Variants in MRPL43 observed in about 807,000 individuals in gnomAD.
MRPL43 encodes large ribosomal subunit protein mL43.
Under a neutral mutation model 12.7 loss-of-function variants are expected in MRPL43, and 9 were observed. The ratio of observed to expected loss-of-function variants is 0.71; its 90% CI spans 0.43 to 1.24. The LOEUF (loss-of-function observed/expected upper bound fraction) is 1.24. MRPL43 is among the 50% of genes most tolerant of loss of function. The pLI is 0.00. For missense variants in MRPL43, 211 were observed against 229.2 expected, an observed-to-expected ratio of 0.92 and a Z score of 0.51; for synonymous variants, 116 against 96.4, an observed-to-expected ratio of 1.20 and a Z score of -1.19.
At chr10:100,980,782 G>A (rs1484825467), downstream of MRPL43, 1 of 1,572,348 alleles carries the variant, frequency 6.4e-7, no homozygotes, top group Non-Finnish European at 8.6e-7. Flanking sequence ...ATCTGTATGA[G>A]TGGGGACGCT....
downstream of MRPL43, chr10:100,979,125 C>T (rs2133877896): frequency 6.2e-7 from 1 of 1,614,162 alleles, no homozygotes; most frequent in South Asian, 1.1e-5. Flanking sequence ...GGAAGAAGAT[C>T]CTGCAGAAGA....
In MRPL43 at chr10:100,986,590, G is replaced by C. The variant is rs756799726; in HGVS notation, c.*144C>G. The C allele has an allele frequency of 2.5e-6, 4 of 1,602,802 alleles. No homozygotes were observed. The highest frequency in any genetic ancestry group is 3.4e-6 in the Non-Finnish European group (4 of 1,175,318). On this transcript the variant is annotated 3_prime_UTR_variant, in exon 3 of 3. Transcript: ENST00000318364. ...AGCAGGCACTGGAAAGAAACAGGCAGCTCTTCATTATCCCAAGCAGAACCT... is the reference window on the plus strand; with the variant it reads ...AGCAGGCACTGGAAAGAAACAGGCACCTCTTCATTATCCCAAGCAGAACCT...
downstream of MRPL43, among the ~76,000 whole-genome samples, chr10:100,979,657 G>C (rs953663209): frequency 3.9e-5 from 6 of 152,144 alleles, no homozygotes; most frequent in Non-Finnish European, 5.9e-5. Context: ...CTGGCAAAGT[G>C]AGAATTTTAA....
chr10:100,980,253 G>T, downstream of MRPL43: 1 of 1,614,240 alleles, frequency 6.2e-7, no homozygotes, highest in Admixed American at 1.7e-5. Flanking sequence ...GGCCCCTGCT[G>T]CTCAAGCGCA....
chr10:100,986,704 G>A lies in MRPL43; in HGVS notation c.*30C>T. 2 of 1,613,984 alleles carry A rather than the reference G, an allele frequency of 1.2e-6. No individual in the cohort carries two copies. Among genetic ancestry groups the A allele is most frequent in the Non-Finnish European group, 1.7e-6 (2 of 1,179,950 alleles). On this transcript the variant is annotated 3_prime_UTR_variant, in exon 3 of 3. Coordinates refer to ENST00000318364, the MANE Select transcript of MRPL43 (RefSeq NM_032112.3). ...ACCTTTACCGGAGTAACAGTCCAAA[G>A]CCTGGGGCTGCAGTTGGTGGGGCAA...
downstream of MRPL43, chr10:100,980,157 T>C: frequency 6.2e-7 from 1 of 1,614,202 alleles, no homozygotes; most frequent in Non-Finnish European, 8.5e-7. Context: ...AAGGCTACAA[T>C]TCATCCCAAG....
rs900172828 is a variant in MRPL43, at chr10:100,986,552, C to A, written c.*182G>T. The A allele has an allele frequency of 3.2e-6, 5 of 1,562,158 alleles. No homozygotes were observed. The African/African-American group carries it at 6.8e-5, about 21-fold the overall frequency. Reference sequence around the variant, plus strand: ...CATAAAAATGAGTGGTTCACAAGGTCACTGCCCCCAGAAGCAGGCACTGGA... The same window carrying A: ...CATAAAAATGAGTGGTTCACAAGGTAACTGCCCCCAGAAGCAGGCACTGGA... On this transcript the variant is annotated 3_prime_UTR_variant, in exon 3 of 3. Transcript: ENST00000318364.
downstream of MRPL43, chr10:100,983,980 G>A (rs1331107517): frequency 9.3e-6 from 15 of 1,611,930 alleles, no homozygotes; most frequent in East Asian, 2.2e-5. Context: ...AGCCGGCTGC[G>A]GAGGATGAAT....
chr10:100,984,570 C>A (rs962694375), downstream of MRPL43: 26 of 1,536,076 alleles, frequency 1.7e-5, no homozygotes, highest in Middle Eastern at 1.7e-4. Flanking sequence ...TGAAACCAGA[C>A]AAGACCTCTG....
rs1213502112 is a variant in MRPL43 at position 100,986,935 on chromosome 10, C to A, written c.279G>T (p.Ser93=). ...GCACCAGCGTCGAGATCTCCTCGAC[C>A]GACTTGCAGTGGATGCTCTCCTCGC... The part of the protein sequence containing the change: ...AVREESIHCK[S]VEEISTLVQK... Residue 93 remains serine (S), a synonymous_variant, in exon 3 of 3, where the codon TCG becomes TCT. Coordinates refer to ENST00000318364, the MANE Select transcript of MRPL43 (RefSeq NM_032112.3). The A allele has an allele frequency of 1.2e-6, 2 of 1,609,252 alleles. No individual in the cohort carries two copies. The highest frequency in any genetic ancestry group is 2.2e-5 in the South Asian group (2 of 91,078).
chr10:100,986,586 G>A lies in MRPL43; in HGVS notation c.*148C>T, dbSNP rs1389926192. On this transcript the variant is annotated 3_prime_UTR_variant, in exon 3 of 3. Transcript: ENST00000318364. ...CAGAAGCAGGCACTGGAAAGAAACAGGCAGCTCTTCATTATCCCAAGCAGA... is the reference window on the plus strand; with the variant it reads ...CAGAAGCAGGCACTGGAAAGAAACAAGCAGCTCTTCATTATCCCAAGCAGA... The A allele has an allele frequency of 6.3e-6, 10 of 1,599,234 alleles. No individual in the cohort carries two copies. Among genetic ancestry groups the A allele is most frequent in the African/African-American group, 1.3e-5 (1 of 74,498 alleles).
downstream of MRPL43, chr10:100,983,179 T>A: frequency 1.7e-6 from 2 of 1,159,754 alleles, no homozygotes; most frequent in African/African-American, 3.1e-5. Context: ...AGAGCCTGGG[T>A]CAGCTGTCAC....
chr10:100,986,405 A>T lies in MRPL43; in HGVS notation c.*329T>A. On this transcript the variant is annotated 3_prime_UTR_variant, in exon 3 of 3. Transcript: ENST00000318364. ...CAATAAGACATCAGGGATTCTTCAG[A>T]AGCCAGCCTTCAGACCTCTCACTGT... 3.4e-6 allele frequency: 5 copies of T among 1,479,330 alleles called. No individual in the cohort carries two copies. Among genetic ancestry groups the T allele is most frequent in the Non-Finnish European group, 4.5e-6 (5 of 1,118,248 alleles). The allele number at this position is 1,479,330 out of a possible 1,614,324, so 91.6% of individuals were successfully genotyped here. A position where few individuals can be genotyped will look rare whatever the true frequency, so the allele number is the denominator to read the frequency against.
At chr10:100,981,196 G>A, downstream of MRPL43, 1 of 1,614,248 alleles carries the variant, frequency 6.2e-7, no homozygotes, top group Non-Finnish European at 8.5e-7. Context: ...CATAGAGAGA[G>A]GAAATCGAGG....
Position 100,986,855 on chromosome 10 carries a change from T to C in MRPL43, c.359A>G (p.His120Arg), listed in dbSNP as rs1297556025. Residue 120 changes from histidine to arginine, a missense_variant, in exon 3 of 3, where the codon CAC becomes CGC. Coordinates refer to ENST00000318364, the MANE Select transcript of MRPL43 (RefSeq NM_032112.3). ...GCCCTGGATGCTAGGGTTGTCGGTG[T>C]GGAAGGGCTTGCGGATGCGGATCAC... ...LDVIRIRKPF[H>R]TDNPSIQGQW... The C allele has an allele frequency of 1.2e-6, 2 of 1,613,582 alleles. No homozygotes were observed. Among genetic ancestry groups the C allele is most frequent in the Admixed American group, 1.7e-5 (1 of 59,996 alleles).
chr10:100,986,963 A>G lies in MRPL43; in HGVS notation c.251T>C (p.Val84Ala). Residue 84 changes from valine (V) to alanine (A), a missense_variant, in exon 3 of 3, where the codon GTG becomes GCG. Val to Ala is a moderately conservative substitution (Grantham distance 64). Coordinates refer to ENST00000318364, the MANE Select transcript of MRPL43 (RefSeq NM_032112.3). Reference sequence around the variant, plus strand: ...CTTGCAGTGGATGCTCTCCTCGCGCACAGCCCCGTTAACTGGCAGAAGAGG... The same window carrying G: ...CTTGCAGTGGATGCTCTCCTCGCGCGCAGCCCCGTTAACTGGCAGAAGAGG... ...RVVAEYLNGA[V>A]REESIHCKSV... The G allele has an allele frequency of 6.2e-7, 1 of 1,606,718 alleles. No homozygotes were observed. Among genetic ancestry groups the G allele is most frequent in the South Asian group, 1.1e-5 (1 of 91,072 alleles).
chr10:100,979,404 G>A (rs758556916), downstream of MRPL43: 4 of 1,547,686 alleles, frequency 2.6e-6, no homozygotes, highest in East Asian at 6.8e-5. Context: ...TTTTTTTTAA[G>A]AGGGAGTCTT....
downstream of MRPL43, chr10:100,980,066 A>G: frequency 1.2e-6 from 2 of 1,612,888 alleles, no homozygotes; most frequent in Non-Finnish European, 8.5e-7. Context: ...GGCCTTGTGG[A>G]GAGGGCAGGC....
Position 100,986,674 on chromosome 10 carries a change from G to T in MRPL43, c.*60C>A. ...CTGGGCTTGGAATCCCAAAGGGGAA[G>T]AACCACCTTTACCGGAGTAACAGTC... On this transcript the variant is annotated 3_prime_UTR_variant, in exon 3 of 3. Transcript: ENST00000318364. 6.2e-7 allele frequency: 1 copy of T among 1,613,920 alleles called. No individual in the cohort carries two copies. The highest frequency in any genetic ancestry group is 1.1e-5 in the South Asian group (1 of 91,076).
Sources: gnomAD v4.1 joint callset for allele counts (sites outside exome capture counted in the v4.1 genomes callset) on GRCh38, gnomAD v4.1.1 for gene constraint, MANE v1.5 for transcripts, NCBI Gene and HGNC (gene_info 2026-07-23, HGNC 2026-07-21) for gene names.